USP6: variants seen among roughly 807,000 people sequenced by gnomAD.
USP6 encodes the protein ubiquitin carboxyl-terminal hydrolase 6.
A neutral mutation model predicts 175.7 loss-of-function variants in USP6; 128 were observed. The ratio of observed to expected loss-of-function variants is 0.73; its 90% CI spans 0.63 to 0.84. USP6 has a LOEUF of 0.84. Among genes scored for constraint, USP6 ranks in the 40% least tolerant of loss-of-function variants. The pLI is 0.00. For missense variants in USP6, 1,498 were observed against 1,760.3 expected (o/e 0.85, Z 2.67); for synonymous variants, 562 against 630.6 (o/e 0.89, Z 1.63).
At chr17:5,119,949 T>G (rs1441957598) in intron 2 of USP6, among the ~76,000 whole-genome samples, 3 of 151,986 alleles carry the variant, frequency 2.0e-5, no homozygotes, top group African/African-American at 7.3e-5. Context: ...CTGCCCCCTC[T>G]CCTGCCTCTC....
At position 5,155,609 on chromosome 17, in the gene USP6, G is replaced by T. The variant is rs369862451; in HGVS notation, c.2828+3G>T. 5.0e-6 allele frequency: 8 copies of T among 1,612,792 alleles called. No individual in the cohort carries two copies. In the South Asian group the frequency reaches 6.6e-5, roughly 13 times the overall value. Reference sequence around the variant, plus strand: ...GCTAGTATTCATGCCCAGGATCGGTGAGTTCAGGGGATCCATCTAAACCTG... The same window carrying T: ...GCTAGTATTCATGCCCAGGATCGGTTAGTTCAGGGGATCCATCTAAACCTG... On this transcript the variant is annotated splice_donor_region_variant and intron_variant, in intron 31 of 37. Transcript: ENST00000574788.
chr17:5,153,263 G>C (rs2073812330), intron 30 of USP6, among the ~76,000 whole-genome samples: 1 of 152,196 alleles, frequency 6.6e-6, no homozygotes, highest in Non-Finnish European at 1.5e-5. Flanking sequence ...AAAGCTAGTT[G>C]CTTTGTGATA....
In USP6 at chr17:5,147,696, G is replaced by A. The variant is rs114609923; in HGVS notation, c.2431+502G>A. On this transcript the variant is annotated intron_variant, in intron 29 of 37. Transcript: ENST00000574788. The stretch of plus-strand genomic sequence containing the variant: ...CGTGTAGTAGGTAGATAGTCCTGAC[G>A]GTGAGTTGGTGGATGATCTAATTTT... Among the ~76,000 whole-genome samples the A allele has an allele frequency of 7.3e-3, 1,117 of 152,136 alleles. 20 individuals are homozygous for A. The highest frequency in any genetic ancestry group is 0.025 in the African/African-American group (1,032 of 41,506).
chr17:5,136,223 A>G (rs1057287881), intron 17 of USP6, among the ~76,000 whole-genome samples: 3 of 152,150 alleles, frequency 2.0e-5, no homozygotes, highest in African/African-American at 7.2e-5. Context: ...CCCCTCCCTG[A>G]GGGTCCTCCT....
In USP6 at chr17:5,172,877, G is replaced by A. The variant is rs763744288; in HGVS notation, c.4120G>A (p.Ala1374Thr). Residue 1374 changes from alanine to threonine, a missense_variant, in exon 38 of 38, where the codon GCA becomes ACA. By Grantham distance (58) the Ala-to-Thr change is moderately conservative (BLOSUM62 0). This residue lies in a region of USP6 where 1,217 missense variants were observed against 1,500.8 expected (regional missense o/e 0.81). Transcript: ENST00000574788. ...LFYEQQGIDY[A>T]QFLPKIDGKK... ...CTATGAGCAGCAGGGGATAGACTAC[G>A]CACAATTTCTGCCAAAGATTGATGG... The A allele has an allele frequency of 1.9e-5, 31 of 1,613,940 alleles. No individual in the cohort carries two copies. Among genetic ancestry groups the A allele is most frequent in the Non-Finnish European group, 2.1e-5 (25 of 1,179,866 alleles).
chr17:5,157,368 G>A (rs764926274), intron 31 of USP6, among the ~76,000 whole-genome samples: 1 of 152,218 alleles, frequency 6.6e-6, no homozygotes, highest in Non-Finnish European at 1.5e-5. Flanking sequence ...TTACAGGCAT[G>A]AGCCATCGCG....
chr17:5,130,365 A>G lies in USP6; in HGVS notation c.-1-2A>G, dbSNP rs766760848. ...TAACCTTTAGACAATTTTGTCTCAC[A>G]GGATGGACATGGTAGAGAATGCAGA... On this transcript the variant is annotated splice_acceptor_variant, in intron 9 of 37. Transcript: ENST00000574788. LOFTEE classifies it low-confidence loss of function (5UTR_SPLICE). The G allele has an allele frequency of 6.1e-5, 99 of 1,613,988 alleles. No homozygotes were observed. Among genetic ancestry groups the G allele is most frequent in the Non-Finnish European group, 7.7e-5 (91 of 1,180,004 alleles).
Position 5,132,854 on chromosome 17 carries a change from G to C in USP6, c.196-56G>C. ...CCAGAGCCCAAGACTCAGCATCCAT[G>C]GGCGGCTCTGGGAAGCCTGGCAGCT... On this transcript the variant is annotated intron_variant, in intron 12 of 37. Coordinates refer to ENST00000574788, the MANE Select transcript of USP6 (RefSeq NM_001304284.2). The surrounding 1 kb of genome is among the most constrained non-coding windows in gnomAD (Gnocchi z 4.7). 6.3e-7 allele frequency: 1 copy of C among 1,598,964 alleles called. No individual in the cohort carries two copies. The highest frequency in any genetic ancestry group is 1.7e-5 in the Admixed American group (1 of 59,978).
chr17:5,116,375 G>C lies in USP6; in HGVS notation c.-2293G>C, dbSNP rs547049782. ...TAGGCCCGCACCATCGAGTCGAACC[G>C]AGTCCTCATGTTTTCCTAGACAAGC... On this transcript the variant is annotated 5_prime_UTR_variant, in exon 1 of 38. Transcript: ENST00000574788. 1 of 138,378 alleles carries C rather than the reference G, an allele frequency of 7.2e-6. No homozygotes were observed. The highest frequency in any genetic ancestry group is 1.7e-5 in the Non-Finnish European group (1 of 58,446). 8.6% of individuals were successfully genotyped at this position (138,378 alleles called of 1,614,324 possible).
chr17:5,130,124 G>A lies in USP6; in HGVS notation c.-2+35G>A, dbSNP rs545841488. On this transcript the variant is annotated intron_variant, in intron 9 of 37. Coordinates refer to ENST00000574788, the MANE Select transcript of USP6 (RefSeq NM_001304284.2). The stretch of plus-strand genomic sequence containing the variant: ...CATTTCATGGCATATGGGGACAACC[G>A]GATTCTCTGTCCAGGTCCCACTCTT... 312 of 524,070 alleles carry A rather than the reference G, an allele frequency of 6.0e-4. 1 individual carries two copies. The highest frequency in any genetic ancestry group is 5.3e-3 in the African/African-American group (278 of 52,204). 32.5% of individuals were successfully genotyped at this position (524,070 alleles called of 1,614,324 possible).
chr17:5,144,665 A>T, intron 25 of USP6, 25 bp from the exon 26 acceptor site: 3 of 1,609,944 alleles, frequency 1.9e-6, no homozygotes, highest in Non-Finnish European at 2.5e-6. Context: ...GGAAATAATG[A>T]CTGTGACTTC....
At position 5,120,614 on chromosome 17, in the gene USP6, C is replaced by T. The variant is rs753982064; in HGVS notation, c.-1836-13C>T. ...ATGGCCTTGGGTGAGCTCCTGCTGT[C>T]CTCTCTGCCCAGGAAATGAAGGCCC... On this transcript the variant is annotated splice_polypyrimidine_tract_variant and intron_variant, in intron 2 of 37. Coordinates refer to ENST00000574788, the MANE Select transcript of USP6 (RefSeq NM_001304284.2). 8 of 371,128 alleles carry T rather than the reference C, an allele frequency of 2.2e-5. No homozygotes were observed. The highest frequency in any genetic ancestry group is 4.2e-5 in the Non-Finnish European group (8 of 191,282). 23.0% of individuals were successfully genotyped at this position (371,128 alleles called of 1,614,324 possible). A position where few individuals can be genotyped will look rare whatever the true frequency, so the allele number is the denominator to read the frequency against.
Position 5,135,924 on chromosome 17 carries a change from G to T in USP6, c.660G>T (p.Leu220=), listed in dbSNP as rs760088067. The change falls in exon 17 of 38, where the codon CTG becomes CTT. Residue 220 remains leucine, a synonymous_variant. Coordinates refer to ENST00000574788, the MANE Select transcript of USP6 (RefSeq NM_001304284.2). ...VQLLASERHS[L]PGFHSPNGGT... Reference sequence around the variant, plus strand: ...TGCTGGCCAGTGAGAGGCACTCCCTGCCAGGTAGGTGAACAGCTGCCCGTG... The same window carrying T: ...TGCTGGCCAGTGAGAGGCACTCCCTTCCAGGTAGGTGAACAGCTGCCCGTG... 1.9e-5 allele frequency: 30 copies of T among 1,598,152 alleles called. No individual in the cohort carries two copies. In the Admixed American group the frequency reaches 5.0e-4, roughly 27 times the overall value.
At chr17:5,133,131 AC>A in intron 13 of USP6, 141 bp downstream of exon 13, 1 of 1,046,298 alleles carries the variant, frequency 9.6e-7, no homozygotes, top group Non-Finnish European at 1.4e-6. Flanking sequence ...AGGCCTGGTC[AC>A]CAGATTGCCT....
At position 5,130,455 on chromosome 17, in the gene USP6, C is replaced by T; in HGVS notation, c.72+16C>T. The T allele has an allele frequency of 1.2e-6, 2 of 1,614,024 alleles. No individual in the cohort carries two copies. The highest frequency in any genetic ancestry group is 1.7e-6 in the Non-Finnish European group (2 of 1,179,922). On this transcript the variant is annotated intron_variant, in intron 10 of 37. Coordinates refer to ENST00000574788, the MANE Select transcript of USP6 (RefSeq NM_001304284.2). ...GTATGACAAGGTACAGTTCGGTCTG[C>T]TCCTTGGAGGGAGGCCTCTTCCAGT...
At chr17:5,146,842 A>C (rs2073625450) in intron 28 of USP6, among the ~76,000 whole-genome samples, 1 of 152,194 alleles carries the variant, frequency 6.6e-6, no homozygotes, top group Non-Finnish European at 1.5e-5. Flanking sequence ...AAAACTGAAG[A>C]AGTCAGTCAT....
rs1419869636 is a variant in USP6, at chr17:5,121,643, C to T, written c.-1406C>T. 2.5e-5 allele frequency: 4 copies of T among 159,212 alleles called. No homozygotes were observed. The highest frequency in any genetic ancestry group is 1.9e-4 in the East Asian group (1 of 5,264). 9.9% of individuals were successfully genotyped at this position (159,212 alleles called of 1,614,324 possible). A position where few individuals can be genotyped will look rare whatever the true frequency, so the allele number is the denominator to read the frequency against. On this transcript the variant is annotated 5_prime_UTR_variant, in exon 4 of 38. Coordinates refer to ENST00000574788, the MANE Select transcript of USP6 (RefSeq NM_001304284.2). ...AGCAGCAGCTGTGCGAGCTCTGCTGCGACGCGGAGCACCAGGACCATGAGC... is the reference window on the plus strand; with the variant it reads ...AGCAGCAGCTGTGCGAGCTCTGCTGTGACGCGGAGCACCAGGACCATGAGC...
At position 5,139,462 on chromosome 17, in the gene USP6, C is replaced by A; in HGVS notation, c.1286C>A (p.Thr429Asn). ...AVREDTYPVG[T>N]QGVPSLALAQ... ...CGGGAAGACACGTACCCTGTGGGCA[C>A]TCAGGGTGTGCCCAGCCTGGCCCTG... The change falls in exon 22 of 38, where the codon ACT (threonine) becomes AAT (asparagine). Residue 429 changes from threonine (T) to asparagine (N), a missense_variant. By Grantham distance (65) the Thr-to-Asn change is moderately conservative. Transcript: ENST00000574788. 6.2e-7 allele frequency: 1 copy of A among 1,613,262 alleles called. No homozygotes were observed. The highest frequency in any genetic ancestry group is 8.5e-7 in the Non-Finnish European group (1 of 1,180,024).
rs2072666318 is a variant in USP6 at position 5,121,577 on chromosome 17, G to A, written c.-1472G>A. 6.1e-6 allele frequency: 1 copy of A among 164,518 alleles called. No individual in the cohort carries two copies. The highest frequency in any genetic ancestry group is 6.1e-5 in the Admixed American group (1 of 16,508). 10.2% of individuals were successfully genotyped at this position (164,518 alleles called of 1,614,324 possible). On this transcript the variant is annotated 5_prime_UTR_variant, in exon 4 of 38. Transcript: ENST00000574788. ...ACCCCTGCTTGGAGGTGTGTTACGG[G>A]ACCCAACTGGCCCAGCTGCAGGGGC... is the stretch of plus-strand genomic sequence containing the variant.
Sources: gnomAD v4.1 joint callset for allele counts (sites outside exome capture counted in the v4.1 genomes callset) on GRCh38, gnomAD v4.1.1 for gene constraint, gnomAD v4.1.1 regional missense constraint, Gnocchi (gnomAD v3.1) non-coding constraint, MANE v1.5 for transcripts, NCBI Gene and HGNC (gene_info 2026-07-23, HGNC 2026-07-21) for gene names.